The following CCDC181 variants were observed in gnomAD, a reference collection of about 807,000 sequenced individuals.
CCDC181 encodes the protein coiled-coil domain containing 181.
Under a neutral mutation model 58.7 loss-of-function variants are expected in CCDC181, and 35 were observed. The observed-to-expected ratio is 0.60, with a 90% CI of 0.46 to 0.79. The LOEUF is 0.79. CCDC181 is among the 30% of genes least tolerant of loss of function. The pLI is 0.00. For synonymous variants in CCDC181, 183 were observed against 197.5 expected, an observed-to-expected ratio of 0.93 and a Z score of 0.62; for missense variants, 517 against 583.9, an observed-to-expected ratio of 0.89 and a Z score of 1.18.
chr1:169,445,525 G>A (rs1379512058), intron 2 of CCDC181, among the ~76,000 whole-genome samples: 2 of 152,044 alleles, frequency 1.3e-5, no homozygotes, highest in African/African-American at 4.8e-5. Context: ...TTTGTACATT[G>A]GTGGATTTGA....
chr1:169,435,809 A>G (rs1376828577), intron 2 of CCDC181, among the ~76,000 whole-genome samples: 1 of 152,232 alleles, frequency 6.6e-6, no homozygotes, highest in East Asian at 1.9e-4. Context: ...ACATTATCAA[A>G]CATTTTTTAA....
At chr1:169,439,008 T>G (rs1216229975) in intron 2 of CCDC181, among the ~76,000 whole-genome samples, 1 of 152,168 alleles carries the variant, frequency 6.6e-6, no homozygotes, top group Non-Finnish European at 1.5e-5. Context: ...AGAAGTCTCC[T>G]TAACCAAGAC....
chr1:169,454,666 T>C (rs1265353030), intron 2 of CCDC181: 4 of 152,066 alleles, frequency 2.6e-5, no homozygotes, highest in Admixed American at 6.6e-5. Flanking sequence ...AAAAATGTTG[T>C]ATTTGATACA....
intron 2 of CCDC181, among the ~76,000 whole-genome samples, chr1:169,458,180 T>TG (rs1169523355): frequency 3.6e-5 from 5 of 140,456 alleles, no homozygotes; most frequent in African/African-American, 8.1e-5. Context: ...TTTTTGTTTT[T>TG]TTTTTTTTGT....
intron 4 of CCDC181, among the ~76,000 whole-genome samples, chr1:169,402,213 C>T (rs1655392717): frequency 6.6e-6 from 1 of 152,126 alleles, no homozygotes; most frequent in Non-Finnish European, 1.5e-5. Flanking sequence ...GAGAACGGAA[C>T]CAAGTTAGAA....
chr1:169,456,448 CTGTT>C (rs1430408966), intron 2 of CCDC181, among the ~76,000 whole-genome samples: 2 of 152,002 alleles, frequency 1.3e-5, no homozygotes, highest in Non-Finnish European at 1.5e-5. Context: ...AAGCTAATGA[CTGTT>C]TGGTGCTGTG....
At chr1:169,415,475 A>G (rs1165750807) in intron 4 of CCDC181, among the ~76,000 whole-genome samples, 9 of 152,258 alleles carry the variant, frequency 5.9e-5, no homozygotes, top group East Asian at 5.8e-4. Flanking sequence ...ATCTGGCCCT[A>G]AATTTCCTAT....
rs1337565024 is a variant in CCDC181, at chr1:169,421,995, C to T, written c.436G>A (p.Asp146Asn). ...AACTTAAGTTTTCGCTCCCTTTTAT[C>T]ATTCACCGGTTCTTGATTCTGTAGA... is the stretch of plus-strand genomic sequence containing the variant. ...KLLQNQEPVN[D>N]KRERKLKFKD... Residue 146 changes from aspartate (D) to asparagine (N), a missense_variant, in exon 3 of 6, where the codon GAT (aspartate) becomes AAT (asparagine). By Grantham distance (23) the Asp-to-Asn change is conservative. Transcript: ENST00000367806. 6.2e-7 allele frequency: 1 copy of T among 1,614,088 alleles called. No individual in the cohort carries two copies. The highest frequency in any genetic ancestry group is 2.2e-5 in the East Asian group (1 of 44,864).
chr1:169,421,863 A>G lies in CCDC181; in HGVS notation c.568T>C (p.Cys190Arg). 6.2e-7 allele frequency: 1 copy of G among 1,613,944 alleles called. No homozygotes were observed. Among genetic ancestry groups the G allele is most frequent in the Non-Finnish European group, 8.5e-7 (1 of 1,179,960 alleles). Residue 190 changes from cysteine (C) to arginine (R), a missense_variant, in exon 3 of 6, where the codon TGT becomes CGT. Physicochemically the swap from Cys to Arg is radical, Grantham distance 180 (BLOSUM62 -3). Coordinates refer to ENST00000367806, the MANE Select transcript of CCDC181 (RefSeq NM_001300969.2). ...TCTTGTCCAAAATCATTGGAAATAC[A>G]TAATTGTGACAGTTTCCCAAACATA... ...RNMFGKLSQL[C>R]ISNDFGQEDV...
chr1:169,443,700 A>G (rs1316483128), intron 2 of CCDC181, among the ~76,000 whole-genome samples: 1 of 152,156 alleles, frequency 6.6e-6, no homozygotes, highest in Non-Finnish European at 1.5e-5. Context: ...AAAAGCAAAA[A>G]TTAAGAAATA....
At chr1:169,415,344 G>A (rs1342269829) in intron 4 of CCDC181, among the ~76,000 whole-genome samples, 1 of 152,120 alleles carries the variant, frequency 6.6e-6, no homozygotes, top group Non-Finnish European at 1.5e-5. Context: ...ATGCTGTGCT[G>A]CTTCTTCACC....
chr1:169,454,932 GTACAA>G (rs1657644094), intron 2 of CCDC181, among the ~76,000 whole-genome samples: 1 of 151,742 alleles, frequency 6.6e-6, no homozygotes, highest in Non-Finnish European at 1.5e-5. Context: ...TTTTGAAATG[GTACAA>G]TACAACATAG....
chr1:169,449,645 C>A (rs1409509979), intron 2 of CCDC181, among the ~76,000 whole-genome samples: 1 of 151,996 alleles, frequency 6.6e-6, no homozygotes, highest in Non-Finnish European at 1.5e-5. Flanking sequence ...GTCCAAGAAT[C>A]CAAAAGCTGA....
chr1:169,439,447 C>T (rs1384399440), intron 2 of CCDC181, among the ~76,000 whole-genome samples: 1 of 152,202 alleles, frequency 6.6e-6, no homozygotes, highest in Non-Finnish European at 1.5e-5. Context: ...TGACCCCCTC[C>T]CTCGTGGAAC....
At chr1:169,438,882 A>C (rs1381582107) in intron 2 of CCDC181, among the ~76,000 whole-genome samples, 1 of 152,206 alleles carries the variant, frequency 6.6e-6, no homozygotes, top group African/African-American at 2.4e-5. Flanking sequence ...ACACACAAAG[A>C]TGAGACAGAC....
chr1:169,397,161 A>G lies in CCDC181; in HGVS notation c.1370+76T>C, dbSNP rs1002103246. On this transcript the variant is annotated intron_variant, in intron 5 of 5. Transcript: ENST00000367806. ...AACATTTTGAGGGTTTTTTTTTTCC[A>G]ATCTTAATTGATGATATAACTTTTA... The G allele has an allele frequency of 1.0e-5, 14 of 1,335,242 alleles. No homozygotes were observed. In the African/African-American group the frequency reaches 2.1e-4, roughly 20 times the overall value. The allele number at this position is 1,335,242 out of a possible 1,614,324, so 82.7% of individuals were successfully genotyped here. A position where few individuals can be genotyped will look rare whatever the true frequency, so the allele number is the denominator to read the frequency against.
chr1:169,399,573 T>C (rs975862011), intron 4 of CCDC181, among the ~76,000 whole-genome samples: 5 of 151,772 alleles, frequency 3.3e-5, no homozygotes, highest in Non-Finnish European at 2.9e-5. Context: ...AAATAAAAAA[T>C]TAGAGGAAAA....
At chr1:169,443,981 T>C (rs1259062625) in intron 2 of CCDC181, among the ~76,000 whole-genome samples, 1 of 152,200 alleles carries the variant, frequency 6.6e-6, no homozygotes, top group Non-Finnish European at 1.5e-5. Context: ...GACATAGTTA[T>C]AAAATTTGCC....
chr1:169,424,784 AT>A (rs1423670675), intron 2 of CCDC181, 26 bp downstream of exon 2: 2 of 1,176,700 alleles, frequency 1.7e-6, no homozygotes, highest in Non-Finnish European at 2.5e-6. Flanking sequence ...TAATATAATT[AT>A]TATGAATGCT....
Sources: allele counts gnomAD v4.1 joint callset (sites outside exome capture counted in the v4.1 genomes callset), GRCh38; gene constraint gnomAD v4.1.1; transcripts MANE v1.5; gene names NCBI Gene and HGNC (gene_info 2026-07-23, HGNC 2026-07-21).